Variants in NAA38 observed in about 807,000 individuals in gnomAD.
NAA38 encodes N-alpha-acetyltransferase 38, NatC auxiliary subunit, also known as LSM domain containing 1.
Under a neutral mutation model 12.6 loss-of-function variants are expected in NAA38, and 15 were observed. The observed-to-expected ratio is 1.19, with a 90% CI of 0.79 to 1.83. NAA38 has a LOEUF of 1.83. Among genes scored for constraint, NAA38 ranks in the 40% most tolerant of loss-of-function variants. The probability of loss-of-function intolerance (pLI) is 0.00; values close to 1 mark genes in which losing one functional copy is unlikely to be tolerated. For missense variants in NAA38, 183 were observed against 171.7 expected, an observed-to-expected ratio of 1.07 and a Z score of -0.37; for synonymous variants, 88 against 69.9, an observed-to-expected ratio of 1.26 and a Z score of -1.29.
chr17:7,881,659 G>A (rs1967274765), intron 2 of NAA38, among the ~76,000 whole-genome samples: 1 of 151,062 alleles, frequency 6.6e-6, no homozygotes, highest in Admixed American at 6.6e-5. Flanking sequence ...AGGGTAGACA[G>A]GCAAGAGAGA....
At chr17:7,868,079 TG>T (rs1177439142) in intron 2 of NAA38, among the ~76,000 whole-genome samples, 2 of 152,212 alleles carry the variant, frequency 1.3e-5, no homozygotes, top group Non-Finnish European at 2.9e-5. Flanking sequence ...AAGACAGCTC[TG>T]GGCTAGAGTT....
At chr17:7,857,574 C>T (rs963426175), upstream of NAA38, 143 of 1,401,508 alleles carry the variant, frequency 1.0e-4, no homozygotes, top group Non-Finnish European at 1.3e-4. Context: ...GATCCCCTCT[C>T]CTCCCCCTCC....
chr17:7,866,598 A>G (rs1597878411), intron 2 of NAA38: 1 of 1,009,504 alleles, frequency 9.9e-7, no homozygotes, highest in South Asian at 5.0e-5. Flanking sequence ...GCCTTCCTAC[A>G]TGCTGTTCCT....
At chr17:7,880,256 G>C (rs1967248299) in intron 2 of NAA38, among the ~76,000 whole-genome samples, 1 of 151,952 alleles carries the variant, frequency 6.6e-6, no homozygotes, top group African/African-American at 2.4e-5. Context: ...TAGAGATCAA[G>C]ACAGACAGAT....
At chr17:7,875,572 C>T (rs12937245) in intron 2 of NAA38, among the ~76,000 whole-genome samples, 74,543 of 152,000 alleles carry the variant, frequency 0.49, 21,681 homozygotes, top group Non-Finnish European at 0.67. Flanking sequence ...TGGCCTCAAG[C>T]GATCCTCCTC....
At chr17:7,870,262 AAAAAT>A (rs957975097) in intron 2 of NAA38, among the ~76,000 whole-genome samples, 1 of 152,136 alleles carries the variant, frequency 6.6e-6, no homozygotes, top group African/African-American at 2.4e-5. Context: ...ACTCTGTCTT[AAAAAT>A]AAAATAAAAT....
chr17:7,876,623 A>G (rs1248560479), intron 2 of NAA38, among the ~76,000 whole-genome samples: 1 of 152,122 alleles, frequency 6.6e-6, no homozygotes, highest in Non-Finnish European at 1.5e-5. Context: ...CCTCCCAACC[A>G]AGAAAGAGCT....
chr17:7,859,196 T>C (rs1052860352), upstream of NAA38: 3 of 608,218 alleles, frequency 4.9e-6, no homozygotes, highest in Non-Finnish European at 8.7e-6. Context: ...TAGTTAGAAG[T>C]GGCTGCCATT....
chr17:7,869,030 G>A (rs1009288754), intron 2 of NAA38, among the ~76,000 whole-genome samples: 5 of 152,182 alleles, frequency 3.3e-5, no homozygotes, highest in South Asian at 2.1e-4. Context: ...GCTTAAGCTC[G>A]TAACTCAGGT....
At chr17:7,874,120 T>C (rs945773862) in intron 2 of NAA38, among the ~76,000 whole-genome samples, 1 of 151,916 alleles carries the variant, frequency 6.6e-6, no homozygotes, top group Non-Finnish European at 1.5e-5. Flanking sequence ...TGATAGACCA[T>C]GGAACTTAAG....
chr17:7,870,644 G>A (rs1967069474), intron 2 of NAA38, among the ~76,000 whole-genome samples: 1 of 152,064 alleles, frequency 6.6e-6, no homozygotes, highest in South Asian at 2.1e-4. Flanking sequence ...CACTCTGGGT[G>A]GCCGAGGTGG....
chr17:7,872,765 T>G (rs1967108787), intron 2 of NAA38, among the ~76,000 whole-genome samples: 2 of 152,252 alleles, frequency 1.3e-5, no homozygotes. Flanking sequence ...ATTTATCAAT[T>G]ATGCATCATT....
At chr17:7,884,695 CGAGGAGGAGGAG>C (rs1273939480) in intron 1 of NAA38, 20 of 267,750 alleles carry the variant, frequency 7.5e-5, no homozygotes, top group Middle Eastern at 9.4e-4. Context: ...ACGCCGCCGC[CGAGGAGGAGGAG>C]GAGGAGGAGG....
intron 2 of NAA38, among the ~76,000 whole-genome samples, chr17:7,873,624 GAGTT>G (rs1446831158): frequency 1.3e-5 from 2 of 152,134 alleles, no homozygotes; most frequent in Non-Finnish European, 2.9e-5. Context: ...ATAAAGGACT[GAGTT>G]AGAGGATCGC....
At chr17:7,877,329 ATAT>A (rs898568311) in intron 2 of NAA38, among the ~76,000 whole-genome samples, 3 of 152,094 alleles carry the variant, frequency 2.0e-5, no homozygotes, top group African/African-American at 4.8e-5. Flanking sequence ...ATCAGTAAAA[ATAT>A]TATTGTTTTA....
chr17:7,859,441 T>C, upstream of NAA38: 1 of 1,614,142 alleles, frequency 6.2e-7, no homozygotes, highest in South Asian at 1.1e-5. Flanking sequence ...ATAACTCACA[T>C]GCTGCCAGCT....
chr17:7,885,301 C>CGCCGCCGCCGCCGCCGCCGCCGCCG (rs1967645649), upstream of NAA38: 2 of 137,520 alleles, frequency 1.5e-5, no homozygotes, highest in South Asian at 2.4e-4. Context: ...CCCGCCGCAC[C>CGCCGCCGCCGCCGCCGCCGCCGCCG]CCTCCCCCGC....
chr17:7,861,771 C>T (rs932632585), upstream of NAA38: 2 of 152,250 alleles, frequency 1.3e-5, no homozygotes, highest in African/African-American at 4.8e-5. Flanking sequence ...CTTCTGACTT[C>T]CATGCTGCAA....
intron 1 of NAA38, chr17:7,884,911 G>A (rs759558717): frequency 2.8e-6 from 4 of 1,418,752 alleles, no homozygotes; most frequent in Non-Finnish European, 3.7e-6. Flanking sequence ...AGGAGGAGGA[G>A]GTGGAGGCGG....
Sources: gnomAD v4.1 joint callset for allele counts (sites outside exome capture counted in the v4.1 genomes callset) on GRCh38, gnomAD v4.1.1 for gene constraint, MANE v1.5 for transcripts, NCBI Gene and HGNC (gene_info 2026-07-23, HGNC 2026-07-21) for gene names.